Variants in TBRG1 observed in about 807,000 individuals in gnomAD.
TBRG1 encodes nuclear interactor of ARF and MDM2.
In TBRG1, 31 loss-of-function variants were observed where a neutral mutation model predicts 44.0. That is an observed-to-expected ratio of 0.70 (90% confidence interval 0.53 to 0.95). The LOEUF (loss-of-function observed/expected upper bound fraction) is 0.95, where lower values mean the gene tolerates loss of function less well. Among genes scored for constraint, TBRG1 ranks in the 40% least tolerant of loss-of-function variants. The pLI is 0.00. For synonymous variants in TBRG1, 171 were observed against 188.1 expected, an observed-to-expected ratio of 0.91 and a Z score of 0.74; for missense variants, 487 against 496.1, an observed-to-expected ratio of 0.98 and a Z score of 0.18.
In TBRG1 at chr11:124,625,746, T is replaced by C; in HGVS notation, c.297T>C (p.Ser99=). 2 of 1,562,916 alleles carry C rather than the reference T, an allele frequency of 1.3e-6. No homozygotes were observed. The highest frequency in any genetic ancestry group is 1.4e-5 in the African/African-American group (1 of 73,866). ...TACAGGCTGCAGCTCCTTCCCACAG[T>C]TCCAGTTTGCCCCTGACTTATGGTG... ...GEVQAAAPSH[S]SSLPLTYGVA... is the part of the protein sequence containing the mutation. Residue 99 remains serine, a synonymous_variant, in exon 3 of 9, where the codon AGT becomes AGC. Transcript: ENST00000441174.
At chr11:124,630,982 C>A in intron 7 of TBRG1, 127 bp downstream of exon 7, 1 of 736,744 alleles carries the variant, frequency 1.4e-6, no homozygotes, top group South Asian at 1.7e-5. Context: ...CAGTAGGGCT[C>A]AGTATTGGCC....
chr11:124,634,635 ATAG>A lies in TBRG1; in HGVS notation c.*2401_*2403del, dbSNP rs1247157871. Reference sequence around the variant, plus strand: ...TGATATTCATTACAGTATTATTTTAATAGTAGAAAATTGTTAAAAATCTATATG... The same window carrying A: ...TGATATTCATTACAGTATTATTTTAATAGAAAATTGTTAAAAATCTATATG... On this transcript the variant is annotated 3_prime_UTR_variant, in exon 9 of 9. Transcript: ENST00000441174. 2 of 152,192 alleles carry A rather than the reference ATAG, an allele frequency of 1.3e-5. No homozygotes were observed. Among genetic ancestry groups the A allele is most frequent in the African/African-American group, 4.8e-5 (2 of 41,444 alleles). 9.4% of individuals were successfully genotyped at this position (152,192 alleles called of 1,614,324 possible).
chr11:124,630,327 A>G, intron 5 of TBRG1, 61 bp from the exon 6 acceptor site: 1 of 1,018,054 alleles, frequency 9.8e-7, no homozygotes, highest in Non-Finnish European at 1.6e-6. Context: ...TTTACAGAGT[A>G]GTATGCCCCT....
chr11:124,626,001 C>T, intron 3 of TBRG1, 98 bp downstream of exon 3: 1 of 1,420,748 alleles, frequency 7.0e-7, no homozygotes, highest in Non-Finnish European at 9.3e-7. Flanking sequence ...TGCAGATGTA[C>T]TTAGAGTCTC....
rs1942474208 is a variant in TBRG1 at position 124,626,552 on chromosome 11, A to G, written c.534A>G (p.Ser178=). ...TTCAGCCCATTGCCCTGGATCCCTC[A>G]GGACGGCCTGTGTTCCCCATCGGAC... ...KLVQPIALDP[S]GRPVFPIGLG... The change falls in exon 4 of 9, where the codon TCA becomes TCG. Residue 178 remains serine (S), a synonymous_variant. Transcript: ENST00000441174. 6.4e-7 allele frequency: 1 copy of G among 1,551,576 alleles called. No homozygotes were observed. The highest frequency in any genetic ancestry group is 1.4e-5 in the African/African-American group (1 of 73,186).
At chr11:124,627,131 A>G in intron 5 of TBRG1, 81 bp downstream of exon 5, 1 of 1,012,108 alleles carries the variant, frequency 9.9e-7, no homozygotes, top group Non-Finnish European at 1.5e-6. Context: ...CTGATACCTT[A>G]CAAGGTAGAT....
At chr11:124,628,108 T>TACACAC (rs1942521834) in intron 5 of TBRG1, among the ~76,000 whole-genome samples, 2 of 52,470 alleles carry the variant, frequency 3.8e-5, no homozygotes, top group African/African-American at 2.1e-4. Context: ...TATATATATA[T>TACACAC]ATATATATAC....
intron 2 of TBRG1, 70 bp from the exon 3 acceptor site, chr11:124,625,601 A>T: frequency 1.4e-6 from 2 of 1,390,404 alleles, no homozygotes; most frequent in Non-Finnish European, 1.9e-6. Flanking sequence ...TTTTCCCAGT[A>T]CTTGAGTAAA....
intron 3 of TBRG1, 139 bp from the exon 4 acceptor site, chr11:124,626,334 G>A (rs575029000): frequency 1.2e-6 from 1 of 805,174 alleles, no homozygotes; most frequent in Non-Finnish European, 1.9e-6. Context: ...AGGGCTTTGG[G>A]CGAAAGCCCC....
chr11:124,632,203 C>T lies in TBRG1; in HGVS notation c.1201C>T (p.Pro401Ser). 6.2e-7 allele frequency: 1 copy of T among 1,613,812 alleles called. No homozygotes were observed. The highest frequency in any genetic ancestry group is 8.5e-7 in the Non-Finnish European group (1 of 1,179,764). The change falls in exon 9 of 9, where the codon CCA (proline) becomes TCA (serine). Residue 401 changes from proline to serine, a missense_variant. Coordinates refer to ENST00000441174, the MANE Select transcript of TBRG1 (RefSeq NM_032811.3). ...TACTCACCTGCAGCACTTGAAGTCT[C>T]CATCACAGGGTAGCCCAATTCAGTC... ...VDTHLQHLKS[P>S]SQGSPIQSSD
At chr11:124,628,706 C>G (rs960704697) in intron 5 of TBRG1, among the ~76,000 whole-genome samples, 3 of 151,996 alleles carry the variant, frequency 2.0e-5, no homozygotes, top group African/African-American at 7.2e-5. Flanking sequence ...AACAAGTACA[C>G]GTTAGTAGGA....
chr11:124,625,584 T>C, intron 2 of TBRG1, 87 bp from the exon 3 acceptor site: 1 of 1,175,028 alleles, frequency 8.5e-7, no homozygotes, highest in Non-Finnish European at 1.2e-6. Context: ...TTGTATATAA[T>C]TCTGGCTTTT....
chr11:124,625,131 C>T (rs527720560), intron 2 of TBRG1, 130 bp downstream of exon 2: 6 of 638,846 alleles, frequency 9.4e-6, no homozygotes, highest in Non-Finnish European at 1.6e-5. Flanking sequence ...CCCTTGGCCA[C>T]TTGATCAAGC....
chr11:124,625,911 G>A lies in TBRG1; in HGVS notation c.454+8G>A, dbSNP rs751453606. 1.3e-6 allele frequency: 2 copies of A among 1,558,716 alleles called. No homozygotes were observed. The highest frequency in any genetic ancestry group is 1.7e-6 in the Non-Finnish European group (2 of 1,155,636). On this transcript the variant is annotated splice_region_variant and intron_variant, in intron 3 of 8. Transcript: ENST00000441174. ...AGAACAACAAACTGGAAGGTACTTT[G>A]GGGAGATGATATCAGTTGCCCCAGT...
intron 4 of TBRG1, 72 bp from the exon 5 acceptor site, chr11:124,626,832 G>A: frequency 6.4e-7 from 1 of 1,559,542 alleles, no homozygotes; most frequent in Non-Finnish European, 8.7e-7. Flanking sequence ...GGTTCTAAAG[G>A]CTACCACAGG....
At position 124,624,944 on chromosome 11, in the gene TBRG1, T is replaced by C. The variant is rs1649578446; in HGVS notation, c.164T>C (p.Ile55Thr). 5 of 1,543,838 alleles carry C rather than the reference T, an allele frequency of 3.2e-6. No homozygotes were observed. Among genetic ancestry groups the C allele is most frequent in the African/African-American group, 1.4e-5 (1 of 72,884 alleles). Reference protein sequence around the residue: ...AKATVFENAAICDEIARLEEK... With the variant: ...AKATVFENAATCDEIARLEEK... Reference sequence around the variant, plus strand: ...TTTTACTTAAAGGAAAATGCTGCTATTTGTGATGAAATTGCTCGTCTTGAG... The same window carrying C: ...TTTTACTTAAAGGAAAATGCTGCTACTTGTGATGAAATTGCTCGTCTTGAG... Residue 55 changes from isoleucine (I) to threonine (T), a missense_variant, in exon 2 of 9, where the codon ATT (isoleucine) becomes ACT (threonine). Physicochemically the swap from Ile to Thr is moderately conservative, Grantham distance 89. Transcript: ENST00000441174.
chr11:124,629,149 A>C (rs1368481450), intron 5 of TBRG1, among the ~76,000 whole-genome samples: 2 of 152,220 alleles, frequency 1.3e-5, no homozygotes, highest in African/African-American at 4.8e-5. Context: ...TAAATAGTAG[A>C]GCAATCCTGG....
At chr11:124,630,168 T>C in intron 5 of TBRG1, 1 of 472,388 alleles carries the variant, frequency 2.1e-6, no homozygotes, top group Non-Finnish European at 3.9e-6. Context: ...TTTGGAAAGC[T>C]GTCAACCAAG....
At position 124,634,985 on chromosome 11, in the gene TBRG1, ACAT is replaced by A. The variant is rs1284740664; in HGVS notation, c.*2751_*2753del. The A allele has an allele frequency of 6.6e-6, 1 of 152,352 alleles. No individual in the cohort carries two copies. Among genetic ancestry groups the A allele is most frequent in the Non-Finnish European group, 1.5e-5 (1 of 68,034 alleles). The allele number at this position is 152,352 out of a possible 1,614,324, so 9.4% of individuals were successfully genotyped here. A position where few individuals can be genotyped will look rare whatever the true frequency, so the allele number is the denominator to read the frequency against. ...ATTTGGGGAAATGCAGTGAATTCCC[ACAT>A]CATGTTTTAAATTACTCAGCCACTA... is the stretch of plus-strand genomic sequence containing the variant. On this transcript the variant is annotated 3_prime_UTR_variant, in exon 9 of 9. Transcript: ENST00000441174.
Sources: allele counts gnomAD v4.1 joint callset (sites outside exome capture counted in the v4.1 genomes callset), GRCh38; gene constraint gnomAD v4.1.1; transcripts MANE v1.5; gene names NCBI Gene and HGNC (gene_info 2026-07-23, HGNC 2026-07-21).